UNC5D: variants seen among roughly 807,000 people sequenced by gnomAD.
The protein encoded by UNC5D is unc-5 netrin receptor D.
UNC5D carries 39 observed loss-of-function variants against 105.4 expected under a neutral mutation model. The ratio of observed to expected loss-of-function variants is 0.37; its 90% confidence interval spans 0.29 to 0.48. The LOEUF is 0.48. Ranked by LOEUF, UNC5D falls within the 20% of genes least tolerant of loss-of-function variation. The pLI is 0.98. For synonymous variants in UNC5D, 452 were observed against 450.4 expected, an observed-to-expected ratio of 1.00 and a Z score of -0.04; for missense variants, 991 against 1,202.4, an observed-to-expected ratio of 0.82 and a Z score of 2.60.
chr8:35,593,076 C>CAT (rs1475494095), intron 3 of UNC5D, among the ~76,000 whole-genome samples: 10 of 151,510 alleles, frequency 6.6e-5, no homozygotes. Flanking sequence ...CACACACACA[C>CAT]ACACACACAC....
At chr8:35,492,585 A>G (rs987470261) in intron 1 of UNC5D, among the ~76,000 whole-genome samples, 2 of 146,640 alleles carry the variant, frequency 1.4e-5, no homozygotes, top group Non-Finnish European at 3.0e-5. Context: ...ACAGATTAAC[A>G]GGATAAAAAA....
intron 1 of UNC5D, among the ~76,000 whole-genome samples, chr8:35,361,548 G>A (rs997721307): frequency 1.2e-4 from 19 of 152,140 alleles, no homozygotes; most frequent in African/African-American, 4.3e-4. Context: ...CTAATGGAGT[G>A]ATTTCTTTTC....
chr8:35,263,310 T>A (rs1220477209), intron 1 of UNC5D, among the ~76,000 whole-genome samples: 2 of 152,242 alleles, frequency 1.3e-5, no homozygotes, highest in Admixed American at 1.3e-4. Context: ...ATAAATTGCT[T>A]ATTTCTGTCC....
intron 1 of UNC5D, among the ~76,000 whole-genome samples, chr8:35,355,665 A>G (rs1801511660): frequency 6.6e-6 from 1 of 152,108 alleles, no homozygotes; most frequent in African/African-American, 2.4e-5. Context: ...CCTGAAAATC[A>G]TATGTTGAAA....
chr8:35,406,191 C>G (rs1359843015), intron 1 of UNC5D, among the ~76,000 whole-genome samples: 1 of 152,038 alleles, frequency 6.6e-6, no homozygotes, highest in East Asian at 1.9e-4. Context: ...TTAAAAAGGC[C>G]TTTAAAAATA....
intron 11 of UNC5D, 45 bp from the exon 12 acceptor site, chr8:35,748,482 C>G: frequency 1.3e-6 from 2 of 1,577,476 alleles, no homozygotes; most frequent in Non-Finnish European, 1.7e-6. Context: ...AATATGGCCC[C>G]TCCTCTACAT....
intron 4 of UNC5D, among the ~76,000 whole-genome samples, chr8:35,602,756 T>C (rs188781300): frequency 1.3e-5 from 2 of 152,256 alleles, no homozygotes; most frequent in African/African-American, 4.8e-5. Flanking sequence ...AGTTTTAGGG[T>C]ACATGTGCAC....
intron 1 of UNC5D, among the ~76,000 whole-genome samples, chr8:35,397,931 T>C (rs1804208300): frequency 6.6e-6 from 1 of 152,184 alleles, no homozygotes; most frequent in South Asian, 2.1e-4. Context: ...TGACATTAGG[T>C]GATCCTGACC....
intron 13 of UNC5D, among the ~76,000 whole-genome samples, chr8:35,753,089 A>G (rs557351726): frequency 6.6e-6 from 1 of 152,154 alleles, no homozygotes; most frequent in Admixed American, 6.5e-5. Context: ...ATATTCTACC[A>G]TGGCTCCACT....
At chr8:35,710,622 A>G (rs1827879724) in intron 8 of UNC5D, among the ~76,000 whole-genome samples, 1 of 152,134 alleles carries the variant, frequency 6.6e-6, no homozygotes, top group Admixed American at 6.5e-5. Flanking sequence ...TAATGGCGTG[A>G]ATAGAGAAGA....
chr8:35,468,602 G>T (rs1179430419), intron 1 of UNC5D, among the ~76,000 whole-genome samples: 4 of 152,158 alleles, frequency 2.6e-5, no homozygotes, highest in Non-Finnish European at 5.9e-5. Context: ...TTACATTCAT[G>T]TTTAAACGTG....
chr8:35,506,724 C>G (rs2589764), intron 1 of UNC5D, among the ~76,000 whole-genome samples: 1 of 151,926 alleles, frequency 6.6e-6, no homozygotes, highest in East Asian at 1.9e-4. Flanking sequence ...TGATTGAATA[C>G]TTTTAGGGAA....
At chr8:35,542,303 C>T (rs992503688) in intron 1 of UNC5D, among the ~76,000 whole-genome samples, 4 of 152,172 alleles carry the variant, frequency 2.6e-5, no homozygotes, top group South Asian at 4.1e-4. Flanking sequence ...GGAGACAAGT[C>T]ACATTTACAT....
At chr8:35,775,851 G>A (rs1802222205) in intron 16 of UNC5D, among the ~76,000 whole-genome samples, 1 of 152,142 alleles carries the variant, frequency 6.6e-6, no homozygotes, top group South Asian at 2.1e-4. Flanking sequence ...CGGAGGCATT[G>A]CTGCAAGAGA....
intron 14 of UNC5D, among the ~76,000 whole-genome samples, chr8:35,766,417 G>T (rs181253193): frequency 2.0e-5 from 3 of 152,200 alleles, no homozygotes; most frequent in South Asian, 2.1e-4. Context: ...TAGCAATATT[G>T]TATTCTCACA....
intron 1 of UNC5D, among the ~76,000 whole-genome samples, chr8:35,342,368 T>C (rs367703583): frequency 2.0e-5 from 3 of 152,124 alleles, no homozygotes; most frequent in African/African-American, 4.8e-5. Flanking sequence ...TTGCTTGTCA[T>C]GTTACCTTCT....
chr8:35,679,587 T>G (rs1825517036), intron 4 of UNC5D, among the ~76,000 whole-genome samples: 1 of 152,164 alleles, frequency 6.6e-6, no homozygotes, highest in Non-Finnish European at 1.5e-5. Context: ...ATAAGGATTT[T>G]GTTAGCCTAG....
At chr8:35,385,646 T>C (rs1215082603) in intron 1 of UNC5D, among the ~76,000 whole-genome samples, 2 of 152,122 alleles carry the variant, frequency 1.3e-5, no homozygotes, top group Admixed American at 6.5e-5. Context: ...TTTGTATTTT[T>C]AATGGAGACG....
chr8:35,412,440 G>T (rs1185936082), intron 1 of UNC5D, among the ~76,000 whole-genome samples: 1 of 151,682 alleles, frequency 6.6e-6, no homozygotes, highest in African/African-American at 2.4e-5. Context: ...TCTGTTGCCT[G>T]GGCCCCTTGC....
Sources: allele counts gnomAD v4.1 joint callset (sites outside exome capture counted in the v4.1 genomes callset), GRCh38; gene constraint gnomAD v4.1.1; transcripts MANE v1.5; gene names NCBI Gene and HGNC (gene_info 2026-07-23, HGNC 2026-07-21).